The following FSHR variants were observed in gnomAD, a reference collection of about 807,000 sequenced individuals.
The protein encoded by FSHR is follicle-stimulating hormone receptor.
Under a neutral mutation model 52.1 loss-of-function variants are expected in FSHR, and 46 were observed. That is an observed-to-expected ratio of 0.88 (90% CI 0.70 to 1.13). The LOEUF (loss-of-function observed/expected upper bound fraction) is 1.13, where lower values mean the gene tolerates loss of function less well. Ranked by LOEUF, FSHR falls within the 50% of genes most tolerant of loss-of-function variation. The probability of loss-of-function intolerance (pLI) is 0.00; values close to 1 mark genes in which losing one functional copy is unlikely to be tolerated. For synonymous variants in FSHR, 399 were observed against 309.6 expected (o/e 1.29, Z -3.03); for missense variants, 964 against 834.6 (o/e 1.16, Z -1.91).
At chr2:49,025,231 C>T (rs556921417) in intron 2 of FSHR, among the ~76,000 whole-genome samples, 3 of 152,074 alleles carry the variant, frequency 2.0e-5, no homozygotes, top group Non-Finnish European at 4.4e-5. Context: ...AAATGTTCAA[C>T]GAATTTTGAT....
Position 49,134,270 on chromosome 2 carries a change from T to G in FSHR, c.152+19996A>C, listed in dbSNP as rs140615606. 6.8e-3 allele frequency among the ~76,000 whole-genome samples: 1,029 copies of G among 152,306 alleles called. 7 individuals carry two copies. The highest frequency in any genetic ancestry group is 0.011 in the Admixed American group (172 of 15,298). ...GTGGGCAAAGGATATGAACAGACAC[T>G]TCTCAAAAGAAGACATTTATGCAGC... is the stretch of plus-strand genomic sequence containing the variant. On this transcript the variant is annotated intron_variant, in intron 1 of 9. Transcript: ENST00000406846.
chr2:49,131,238 A>G (rs1672251127), intron 1 of FSHR, among the ~76,000 whole-genome samples: 1 of 152,170 alleles, frequency 6.6e-6, no homozygotes, highest in Non-Finnish European at 1.5e-5. Flanking sequence ...AGACGAGTTG[A>G]AGACCAACAA....
chr2:49,053,326 C>G (rs1668938250), intron 2 of FSHR, among the ~76,000 whole-genome samples: 2 of 152,090 alleles, frequency 1.3e-5, no homozygotes, highest in South Asian at 4.2e-4. Flanking sequence ...TTCCCCCCAC[C>G]TCCAGTGTTA....
chr2:49,077,049 C>G (rs577064951), intron 1 of FSHR, among the ~76,000 whole-genome samples: 3 of 152,222 alleles, frequency 2.0e-5, no homozygotes, highest in South Asian at 2.1e-4. Context: ...GGATGGTGGC[C>G]GTCTTCTCAC....
intron 4 of FSHR, among the ~76,000 whole-genome samples, chr2:49,001,014 A>G (rs1360707619): frequency 6.6e-6 from 1 of 152,154 alleles, no homozygotes; most frequent in African/African-American, 2.4e-5. Flanking sequence ...GGTATTTCAT[A>G]TGATCTCATT....
intron 1 of FSHR, among the ~76,000 whole-genome samples, chr2:49,091,918 C>A (rs529990106): frequency 6.6e-6 from 1 of 152,150 alleles, no homozygotes; most frequent in East Asian, 1.9e-4. Flanking sequence ...ACAAAAAATC[C>A]TTCAGGGATT....
intron 4 of FSHR, among the ~76,000 whole-genome samples, chr2:49,005,567 G>A (rs1439576599): frequency 6.6e-6 from 1 of 152,098 alleles, no homozygotes; most frequent in African/African-American, 2.4e-5. Flanking sequence ...ACTCTGTGTG[G>A]GAAGTGCTTA....
rs1451029817 is a variant in FSHR at position 48,963,461 on chromosome 2, C to T, written c.1360G>A (p.Glu454Lys). The T allele has an allele frequency of 1.2e-6, 2 of 1,614,024 alleles. No individual in the cohort carries two copies. Among genetic ancestry groups the T allele is most frequent in the African/African-American group, 1.3e-5 (1 of 74,928 alleles). Residue 454 changes from glutamate (E) to lysine (K), a missense_variant, in exon 10 of 10, where the codon GAG (glutamate) becomes AAG (lysine). Glu to Lys is a moderately conservative substitution (Grantham distance 56, BLOSUM62 1). Coordinates refer to ENST00000406846, the MANE Select transcript of FSHR (RefSeq NM_000145.4). ...AAGFFTVFAS[E>K]LSVYTLTAIT... Reference sequence around the variant, plus strand: ...GCTGTCAGAGTGTAGACTGACAGCTCACTGGCAAAGACAGTGAAAAAGCCA... The same window carrying T: ...GCTGTCAGAGTGTAGACTGACAGCTTACTGGCAAAGACAGTGAAAAAGCCA...
At chr2:48,985,294 G>C (rs368417932) in intron 6 of FSHR, among the ~76,000 whole-genome samples, 4 of 152,170 alleles carry the variant, frequency 2.6e-5, no homozygotes, top group African/African-American at 9.7e-5. Context: ...GAGTGGAGGT[G>C]CTGGGGACTT....
intron 1 of FSHR, among the ~76,000 whole-genome samples, chr2:49,112,844 G>T (rs754742838): frequency 6.6e-6 from 1 of 152,118 alleles, no homozygotes; most frequent in East Asian, 1.9e-4. Flanking sequence ...GCCATGCTGC[G>T]TATTTGAAAG....
chr2:48,965,905 C>T (rs1467057257), intron 9 of FSHR, among the ~76,000 whole-genome samples: 1 of 152,198 alleles, frequency 6.6e-6, no homozygotes, highest in Non-Finnish European at 1.5e-5. Context: ...TCCTAATTAT[C>T]ATAAGGAGTT....
At chr2:49,125,450 A>G (rs569518438) in intron 1 of FSHR, among the ~76,000 whole-genome samples, 1 of 152,304 alleles carries the variant, frequency 6.6e-6, no homozygotes, top group Non-Finnish European at 1.5e-5. Context: ...CTAGCATATT[A>G]TATATCTTAT....
At position 49,021,869 on chromosome 2, in the gene FSHR, A is replaced by C. The variant is rs1281706530; in HGVS notation, c.225-1709T>G. On this transcript the variant is annotated intron_variant, in intron 2 of 9. Coordinates refer to ENST00000406846, the MANE Select transcript of FSHR (RefSeq NM_000145.4). ...TCTCTCTCTCTCTCTCTCTCTATAT[A>C]TATATATATATATATATAGAGAGAG... 6.5e-3 allele frequency among the ~76,000 whole-genome samples: 340 copies of C among 52,416 alleles called. 2 individuals carry two copies. Among genetic ancestry groups the C allele is most frequent in the African/African-American group, 0.015 (171 of 11,782 alleles). 34.4% of individuals were successfully genotyped at this position (52,416 alleles called of 152,430 possible).
At chr2:49,044,681 T>C (rs957645750) in intron 2 of FSHR, among the ~76,000 whole-genome samples, 11 of 152,070 alleles carry the variant, frequency 7.2e-5, no homozygotes, top group Admixed American at 2.0e-4. Flanking sequence ...TACTGCCTGC[T>C]TTCATTTCAC....
At chr2:48,991,917 T>C (rs1675799907) in intron 4 of FSHR, among the ~76,000 whole-genome samples, 1 of 152,094 alleles carries the variant, frequency 6.6e-6, no homozygotes, top group African/African-American at 2.4e-5. Context: ...ATATGTCCTT[T>C]TGAGGTTTAT....
chr2:49,127,888 TCTTCTTCTTC>T (rs1558457053), intron 1 of FSHR, among the ~76,000 whole-genome samples: 693 of 46,906 alleles, frequency 0.015, 92 homozygotes, highest in South Asian at 0.04. Context: ...TTCTTCTTCT[TCTTCTTCTTC>T]TTTTTTTTTT....
chr2:49,114,079 T>G (rs753377081), intron 1 of FSHR, among the ~76,000 whole-genome samples: 7 of 152,256 alleles, frequency 4.6e-5, no homozygotes, highest in South Asian at 2.1e-4. Flanking sequence ...CCAGCCTCTC[T>G]CACTGAAGAC....
chr2:49,070,050 G>T (rs1679138081), intron 1 of FSHR, among the ~76,000 whole-genome samples: 1 of 152,122 alleles, frequency 6.6e-6, no homozygotes, highest in Non-Finnish European at 1.5e-5. Context: ...TGAATCATGA[G>T]AGAGAACCCT....
chr2:49,116,798 G>A (rs985800097), intron 1 of FSHR, among the ~76,000 whole-genome samples: 23 of 152,136 alleles, frequency 1.5e-4, no homozygotes, highest in Non-Finnish European at 3.1e-4. Flanking sequence ...TCAAATCAGG[G>A]TTCTTAGTGT....
Sources: allele counts gnomAD v4.1 joint callset (sites outside exome capture counted in the v4.1 genomes callset), GRCh38; gene constraint gnomAD v4.1.1; transcripts MANE v1.5; gene names NCBI Gene and HGNC (gene_info 2026-07-23, HGNC 2026-07-21).